Variants in BTBD9 observed in about 807,000 individuals in gnomAD.
BTBD9 encodes the protein BTB/POZ domain-containing protein 9.
BTBD9 carries 49 observed loss-of-function variants against 64.3 expected under a neutral mutation model. The ratio of observed to expected loss-of-function variants is 0.76; its 90% CI spans 0.61 to 0.97. The LOEUF is 0.97. BTBD9 is among the 50% of genes least tolerant of loss of function. BTBD9 has a pLI of 0.00. For synonymous variants in BTBD9, 260 were observed against 274.7 expected (o/e 0.95, Z 0.53); for missense variants, 598 against 762.1 (o/e 0.78, Z 2.53).
chr6:38,208,839 A>G (rs1432449504), intron 9 of BTBD9, among the ~76,000 whole-genome samples: 1 of 152,142 alleles, frequency 6.6e-6, no homozygotes, highest in Non-Finnish European at 1.5e-5. Flanking sequence ...TGTCAGGCTT[A>G]GGAAAAATGG....
At chr6:38,557,083 C>T (rs1775061786) in intron 6 of BTBD9, among the ~76,000 whole-genome samples, 1 of 133,676 alleles carries the variant, frequency 7.5e-6, no homozygotes, top group African/African-American at 2.8e-5. Flanking sequence ...CTCACATCCT[C>T]ACATCTGTAA....
chr6:38,527,657 C>T (rs1773569744), intron 6 of BTBD9, among the ~76,000 whole-genome samples: 1 of 152,016 alleles, frequency 6.6e-6, no homozygotes. Flanking sequence ...TATAAATTAC[C>T]CAGTCTTGGA....
chr6:38,581,682 G>C (rs1191618939), intron 4 of BTBD9, among the ~76,000 whole-genome samples: 1 of 152,184 alleles, frequency 6.6e-6, no homozygotes, highest in South Asian at 2.1e-4. Context: ...AGATTAAACA[G>C]TGGCTCCACA....
At chr6:38,286,101 C>T (rs1761717761) in intron 8 of BTBD9, among the ~76,000 whole-genome samples, 1 of 152,172 alleles carries the variant, frequency 6.6e-6, no homozygotes, top group African/African-American at 2.4e-5. Flanking sequence ...TCCCTAAGCA[C>T]AAAGTAAGCT....
chr6:38,627,884 TA>T (rs1778224878), intron 1 of BTBD9, among the ~76,000 whole-genome samples: 1 of 152,160 alleles, frequency 6.6e-6, no homozygotes, highest in South Asian at 2.1e-4. Flanking sequence ...ATGCTGTTAC[TA>T]AAAAGGATCA....
chr6:38,479,264 G>A (rs1441180527), intron 6 of BTBD9, among the ~76,000 whole-genome samples: 5 of 152,026 alleles, frequency 3.3e-5, no homozygotes. Flanking sequence ...CTCTCCCGAC[G>A]GCTTCCCACC....
intron 6 of BTBD9, among the ~76,000 whole-genome samples, chr6:38,568,906 A>G (rs1775636732): frequency 6.6e-6 from 1 of 152,218 alleles, no homozygotes; most frequent in South Asian, 2.1e-4. Flanking sequence ...AACTAAAACC[A>G]AGTAACTCCT....
intron 6 of BTBD9, among the ~76,000 whole-genome samples, chr6:38,556,967 C>T (rs1274422887): frequency 3.2e-5 from 4 of 124,980 alleles, no homozygotes; most frequent in Admixed American, 3.0e-4. Context: ...GACCCGAGAT[C>T]GGGCCATTGC....
At chr6:38,637,202 T>C (rs960359023) in intron 1 of BTBD9, among the ~76,000 whole-genome samples, 6 of 152,192 alleles carry the variant, frequency 3.9e-5, no homozygotes, top group African/African-American at 1.4e-4. Context: ...TGGTTAGTGG[T>C]TTATCTCTTC....
intron 6 of BTBD9, among the ~76,000 whole-genome samples, chr6:38,493,744 A>G (rs1771804398): frequency 6.6e-6 from 1 of 152,180 alleles, no homozygotes; most frequent in African/African-American, 2.4e-5. Context: ...AGCTGTGGGG[A>G]GATGAGCACT....
chr6:38,247,172 C>T (rs976331777), intron 9 of BTBD9, among the ~76,000 whole-genome samples: 8 of 150,928 alleles, frequency 5.3e-5, no homozygotes, highest in African/African-American at 1.7e-4. Context: ...AAAAAAATCA[C>T]AGGCAAAGTA....
chr6:38,239,607 T>C (rs1332593639), intron 9 of BTBD9, among the ~76,000 whole-genome samples: 1 of 152,082 alleles, frequency 6.6e-6, no homozygotes, highest in Admixed American at 6.5e-5. Context: ...AGAATGTATA[T>C]AGTCATTTTA....
intron 10 of BTBD9, among the ~76,000 whole-genome samples, chr6:38,180,970 GGAGATAGGCTGGGTGTTCTTT>G (rs1372388236): frequency 6.6e-6 from 1 of 152,186 alleles, no homozygotes; most frequent in African/African-American, 2.4e-5. Flanking sequence ...ACCACATACT[GGAGATAGGCTGGGTGTTCTTT>G]TCCCCGTGAA....
intron 6 of BTBD9, among the ~76,000 whole-genome samples, chr6:38,405,980 TCAA>T (rs151246087): frequency 0.013 from 1,981 of 152,190 alleles, 39 homozygotes; most frequent in African/African-American, 0.043. Flanking sequence ...GCTTCAGAAA[TCAA>T]CAACAGTGGA....
At chr6:38,388,630 T>A (rs1766285031) in intron 6 of BTBD9, among the ~76,000 whole-genome samples, 1 of 152,210 alleles carries the variant, frequency 6.6e-6, no homozygotes, top group South Asian at 2.1e-4. Context: ...ATTTAGTGTG[T>A]TTATAGATTC....
chr6:38,522,533 T>C (rs1319641704), intron 6 of BTBD9, among the ~76,000 whole-genome samples: 1 of 152,246 alleles, frequency 6.6e-6, no homozygotes, highest in Admixed American at 6.5e-5. Context: ...TTCTCCCAGT[T>C]CTTTGGCTGC....
intron 8 of BTBD9, among the ~76,000 whole-genome samples, chr6:38,275,217 T>C (rs1332598503): frequency 2.0e-5 from 3 of 152,116 alleles, no homozygotes; most frequent in Non-Finnish European, 4.4e-5. Context: ...ATCTGATCTT[T>C]GACAAACCTG....
intron 6 of BTBD9, among the ~76,000 whole-genome samples, chr6:38,392,210 T>C (rs996055946): frequency 6.6e-6 from 1 of 151,118 alleles, no homozygotes; most frequent in Non-Finnish European, 1.5e-5. Flanking sequence ...GTTAAAAATA[T>C]CAATCATCAT....
At chr6:38,175,228 C>T (rs764145374) in intron 10 of BTBD9, 46 bp from the exon 11 acceptor site, 74 of 1,600,060 alleles carry the variant, frequency 4.6e-5, no homozygotes, top group South Asian at 5.5e-5. Flanking sequence ...GGTCAGCATG[C>T]GGCCCTGGAG....
Sources: gnomAD v4.1 joint callset for allele counts (sites outside exome capture counted in the v4.1 genomes callset) on GRCh38, gnomAD v4.1.1 for gene constraint, MANE v1.5 for transcripts, NCBI Gene and HGNC (gene_info 2026-07-23, HGNC 2026-07-21) for gene names.